The following ZMYND11 variants were observed in gnomAD, a reference collection of about 807,000 sequenced individuals.
The protein encoded by ZMYND11 is zinc finger MYND-type containing 11, also known as zinc finger MYND domain-containing protein 11.
In ZMYND11, 9 loss-of-function variants were observed where a neutral mutation model predicts 84.9. That is an observed-to-expected ratio of 0.11 (90% CI 0.06 to 0.18). The LOEUF (loss-of-function observed/expected upper bound fraction) is 0.18, where lower values mean the gene tolerates loss of function less well. Ranked by LOEUF, ZMYND11 falls within the 10% of genes least tolerant of loss-of-function variation. The pLI is 1.00. For missense variants in ZMYND11, 409 were observed against 761.0 expected, an observed-to-expected ratio of 0.54 and a Z score of 5.44; for synonymous variants, 250 against 244.1, an observed-to-expected ratio of 1.02 and a Z score of -0.23.
chr10:221,137 T>A (rs1308665195), intron 3 of ZMYND11, 58 bp from the exon 4 acceptor site: 29 of 1,494,178 alleles, frequency 1.9e-5, no homozygotes, highest in Non-Finnish European at 2.6e-5. Context: ...AATTTTGTTC[T>A]TAGTCATTGC....
chr10:158,984 G>GTTTTTTTTTTTTTTTTTTTTTTTTTTCAT (rs376931420), intron 1 of ZMYND11, among the ~76,000 whole-genome samples: 1 of 40,024 alleles, frequency 2.5e-5, no homozygotes, highest in African/African-American at 7.6e-5. Flanking sequence ...AGGGTTTTTT[G>GTTTTTTTTTTTTTTTTTTTTTTTTTTCAT]TTTTTTGTTT....
At chr10:151,359 GAA>G (rs1381945650) in intron 1 of ZMYND11, among the ~76,000 whole-genome samples, 1 of 152,172 alleles carries the variant, frequency 6.6e-6, no homozygotes, top group East Asian at 1.9e-4. Flanking sequence ...CCAGTGTAGA[GAA>G]GTCTTTAAAT....
intron 1 of ZMYND11, among the ~76,000 whole-genome samples, chr10:171,141 G>A (rs79079369): frequency 3.0e-4 from 45 of 152,066 alleles, no homozygotes; most frequent in Non-Finnish European, 5.9e-4. Context: ...TAATGTGTAC[G>A]CACCTAACAA....
At chr10:207,895 T>C (rs1408727969) in intron 2 of ZMYND11, among the ~76,000 whole-genome samples, 1 of 152,138 alleles carries the variant, frequency 6.6e-6, no homozygotes, top group African/African-American at 2.4e-5. Context: ...GACTTCAAAC[T>C]ATACCACAAG....
intron 10 of ZMYND11, among the ~76,000 whole-genome samples, 176 bp downstream of exon 10, chr10:242,315 T>G (rs988235857): frequency 6.6e-6 from 1 of 152,204 alleles, no homozygotes; most frequent in Admixed American, 6.5e-5. Context: ...TTTCAGATAT[T>G]GTGTACTAAA....
At chr10:239,868 T>C in intron 7 of ZMYND11, 188 bp from the exon 8 acceptor site, 1 of 562,884 alleles carries the variant, frequency 1.8e-6, no homozygotes. Flanking sequence ...ACCCTGAGAA[T>C]TAGTGGTTGT....
rs148296132 is a variant in ZMYND11, at chr10:156,014, C to G, written c.-20+20455C>G. On this transcript the variant is annotated intron_variant, in intron 1 of 14. Transcript: ENST00000381604. ...CAAGCACATGAGTGCAAAAGCCTGA[C>G]CATTTAATTTACAGCAGGGATTTTT... Among the ~76,000 whole-genome samples the G allele has an allele frequency of 3.3e-3, 500 of 152,282 alleles. 5 individuals are homozygous for G. The highest frequency in any genetic ancestry group is 0.011 in the African/African-American group (454 of 41,560).
chr10:176,187 A>G (rs1355087783), intron 1 of ZMYND11, among the ~76,000 whole-genome samples: 1 of 152,114 alleles, frequency 6.6e-6, no homozygotes, highest in Non-Finnish European at 1.5e-5. Context: ...GACTGAGGAG[A>G]TTGCAGTACA....
At chr10:177,628 A>G (rs1846940223) in intron 1 of ZMYND11, among the ~76,000 whole-genome samples, 1 of 152,148 alleles carries the variant, frequency 6.6e-6, no homozygotes, top group South Asian at 2.1e-4. Context: ...TTATTTTAAA[A>G]TGTTAGCTTT....
At chr10:192,234 G>T (rs1384963579) in intron 2 of ZMYND11, among the ~76,000 whole-genome samples, 1 of 152,144 alleles carries the variant, frequency 6.6e-6, no homozygotes, top group Non-Finnish European at 1.5e-5. Flanking sequence ...CGAGAGCTTA[G>T]AGGGGGTGAA....
intron 1 of ZMYND11, among the ~76,000 whole-genome samples, chr10:136,890 A>G (rs368226291): frequency 2.0e-5 from 3 of 152,112 alleles, no homozygotes; most frequent in East Asian, 1.9e-4. Flanking sequence ...GTGCTGCCAT[A>G]TGCGGTGTGT....
chr10:183,139 C>T (rs182972732), intron 2 of ZMYND11, among the ~76,000 whole-genome samples: 2 of 152,056 alleles, frequency 1.3e-5, no homozygotes, highest in East Asian at 3.9e-4. Context: ...ACACCCTAAA[C>T]ACTCTAGTTT....
chr10:220,198 T>C (rs146376294), intron 3 of ZMYND11, among the ~76,000 whole-genome samples: 38 of 152,212 alleles, frequency 2.5e-4, no homozygotes, highest in Non-Finnish European at 4.3e-4. Context: ...AGAAATAAAA[T>C]TGATGGTGGA....
intron 1 of ZMYND11, among the ~76,000 whole-genome samples, chr10:144,091 T>C (rs1400407973): frequency 6.6e-6 from 1 of 152,038 alleles, no homozygotes; most frequent in African/African-American, 2.4e-5. Flanking sequence ...ATAATTTTAG[T>C]CTTAGTTATT....
chr10:197,477 C>T (rs1564363855), intron 2 of ZMYND11, among the ~76,000 whole-genome samples: 1 of 152,312 alleles, frequency 6.6e-6, no homozygotes, highest in East Asian at 1.9e-4. Context: ...AATAGAGCCA[C>T]AAGTAAGGCT....
Position 203,314 on chromosome 10 carries a change from A to T in ZMYND11, c.117-6575A>T, listed in dbSNP as rs1943569197. 1.3e-5 allele frequency among the ~76,000 whole-genome samples: 2 copies of T among 152,182 alleles called. 1 individual carries two copies. The highest frequency in any genetic ancestry group is 4.1e-4 in the South Asian group (2 of 4,828). On this transcript the variant is annotated intron_variant, in intron 2 of 14. Coordinates refer to ENST00000381604, the MANE Select transcript of ZMYND11 (RefSeq NM_001370100.5). ...TGCCCAATAAATACCAGCAACCACC[A>T]ACCAGGAAATACTATATAAAATAAA...
chr10:189,742 A>C (rs1283442812), intron 2 of ZMYND11, among the ~76,000 whole-genome samples: 5 of 152,208 alleles, frequency 3.3e-5, no homozygotes, highest in African/African-American at 1.2e-4. Context: ...GAAGAAAAAC[A>C]TACAAGGCAC....
intron 1 of ZMYND11, among the ~76,000 whole-genome samples, chr10:156,415 C>A (rs181402950): frequency 1.3e-5 from 2 of 152,256 alleles, no homozygotes; most frequent in East Asian, 3.9e-4. Context: ...AAATCACTTA[C>A]TTGGAAAAAT....
intron 3 of ZMYND11, 140 bp downstream of exon 3, chr10:210,188 G>C (rs1944946989): frequency 2.3e-6 from 2 of 884,772 alleles, no homozygotes; most frequent in Non-Finnish European, 3.4e-6. Context: ...GCTCTACATT[G>C]GTAGTATGGA....
Sources: allele counts gnomAD v4.1 joint callset (sites outside exome capture counted in the v4.1 genomes callset), GRCh38; gene constraint gnomAD v4.1.1; transcripts MANE v1.5; gene names NCBI Gene and HGNC (gene_info 2026-07-23, HGNC 2026-07-21).